Variants in DEPTOR observed in about 807,000 individuals in gnomAD.
DEPTOR encodes the protein DEP domain containing MTOR interacting protein, also known as DEP domain-containing mTOR-interacting protein.
In DEPTOR, 41 loss-of-function variants were observed where a neutral mutation model predicts 41.6. That is an observed-to-expected ratio of 0.98 (90% CI 0.77 to 1.28). The LOEUF (loss-of-function observed/expected upper bound fraction) is 1.28. Among genes scored for constraint, DEPTOR ranks in the 50% most tolerant of loss-of-function variants. The probability of loss-of-function intolerance (pLI) is 0.00; values close to 1 mark genes in which losing one functional copy is unlikely to be tolerated. For missense variants in DEPTOR, 514 were observed against 527.9 expected, an observed-to-expected ratio of 0.97 and a Z score of 0.26; for synonymous variants, 195 against 192.3, an observed-to-expected ratio of 1.01 and a Z score of -0.12.
At chr8:119,905,882 A>T (rs1344783135) in intron 1 of DEPTOR, among the ~76,000 whole-genome samples, 1 of 152,056 alleles carries the variant, frequency 6.6e-6, no homozygotes, top group Admixed American at 6.6e-5. Flanking sequence ...ACCTCAAATG[A>T]TCCACCTGCC....
At chr8:119,953,992 G>C (rs1463732653) in intron 3 of DEPTOR, among the ~76,000 whole-genome samples, 1 of 151,832 alleles carries the variant, frequency 6.6e-6, no homozygotes, top group Admixed American at 6.6e-5. Flanking sequence ...TTTTAGTAGA[G>C]ATGGGGTTTC....
intron 4 of DEPTOR, among the ~76,000 whole-genome samples, chr8:119,998,954 A>C (rs1812308088): frequency 6.6e-6 from 1 of 151,514 alleles, no homozygotes; most frequent in South Asian, 2.1e-4. Context: ...AGGAAAAAAA[A>C]AAAAAAAGAA....
chr8:119,918,575 C>G (rs7462839), intron 1 of DEPTOR, among the ~76,000 whole-genome samples: 54 of 151,482 alleles, frequency 3.6e-4, no homozygotes, highest in African/African-American at 1.2e-3. Context: ...ATTCTCCTGC[C>G]TCAGCCTCCC....
intron 8 of DEPTOR, among the ~76,000 whole-genome samples, chr8:120,034,934 A>C (rs1234612116): frequency 1.3e-5 from 2 of 152,232 alleles, no homozygotes; most frequent in African/African-American, 4.8e-5. Context: ...TACGGAGGAA[A>C]AAATTTGAGA....
chr8:119,886,194 T>C (rs1827361562), intron 1 of DEPTOR, among the ~76,000 whole-genome samples: 3 of 152,234 alleles, frequency 2.0e-5, no homozygotes, highest in Non-Finnish European at 4.4e-5. Flanking sequence ...TTCTCTCTTG[T>C]AGCTCCTTCA....
chr8:120,030,366 T>A (rs1461357576), intron 8 of DEPTOR, among the ~76,000 whole-genome samples: 2 of 152,088 alleles, frequency 1.3e-5, no homozygotes, highest in Non-Finnish European at 2.9e-5. Flanking sequence ...GGCACTACTC[T>A]GTCTGATACT....
intron 8 of DEPTOR, among the ~76,000 whole-genome samples, chr8:120,034,264 T>TAC (rs71571645): frequency 0.1 from 15,175 of 144,994 alleles, 893 homozygotes; most frequent in East Asian, 0.24. Flanking sequence ...GCAAAGCATG[T>TAC]ACACACACAC....
chr8:120,004,460 G>A (rs1342001040), intron 6 of DEPTOR, among the ~76,000 whole-genome samples: 2 of 152,166 alleles, frequency 1.3e-5, no homozygotes, highest in Non-Finnish European at 2.9e-5. Context: ...GTAGAAATCT[G>A]ACAGGCATCC....
chr8:119,999,049 A>C (rs1436201896), intron 4 of DEPTOR, among the ~76,000 whole-genome samples: 2 of 151,924 alleles, frequency 1.3e-5, no homozygotes, highest in African/African-American at 2.4e-5. Flanking sequence ...AGATCACCTG[A>C]GGTTGGGAGT....
chr8:120,030,485 G>A (rs1364565170), intron 8 of DEPTOR, among the ~76,000 whole-genome samples: 1 of 93,284 alleles, frequency 1.1e-5, no homozygotes, highest in Admixed American at 1.3e-4. Flanking sequence ...GATGTATTGT[G>A]TAGGTTCATC....
intron 3 of DEPTOR, among the ~76,000 whole-genome samples, chr8:119,938,693 G>T (rs1462298247): frequency 1.3e-5 from 2 of 151,968 alleles, no homozygotes; most frequent in African/African-American, 4.8e-5. Context: ...TTTATTTTCA[G>T]TAGAGAGCGT....
chr8:119,880,128 C>T (rs539835007), intron 1 of DEPTOR, among the ~76,000 whole-genome samples: 2 of 144,434 alleles, frequency 1.4e-5, no homozygotes, highest in Non-Finnish European at 3.0e-5. Flanking sequence ...GGTGACAGAG[C>T]GGGACTCCGT....
At chr8:119,941,373 CAAAAAAAAAA>C (rs749120675) in intron 3 of DEPTOR, among the ~76,000 whole-genome samples, 2 of 39,964 alleles carry the variant, frequency 5.0e-5, no homozygotes, top group Non-Finnish European at 4.2e-5. Flanking sequence ...ATCTCCATCT[CAAAAAAAAAA>C]AAAAAAAAAA....
intron 4 of DEPTOR, among the ~76,000 whole-genome samples, chr8:119,974,357 G>A (rs746095065): frequency 1.3e-5 from 2 of 150,928 alleles, no homozygotes; most frequent in Non-Finnish European, 2.9e-5. Flanking sequence ...TCTTAATTGA[G>A]ACCTGCTGTA....
chr8:120,017,375 T>G (rs1812629015), intron 8 of DEPTOR, among the ~76,000 whole-genome samples: 1 of 152,178 alleles, frequency 6.6e-6, no homozygotes, highest in Admixed American at 6.6e-5. Context: ...ACCCACATGC[T>G]TCCTATTGTA....
intron 4 of DEPTOR, among the ~76,000 whole-genome samples, chr8:119,986,929 C>T (rs138919655): frequency 5.2e-4 from 79 of 152,038 alleles, no homozygotes; most frequent in African/African-American, 1.9e-3. Context: ...AGCAATTCCT[C>T]TAACATTTTT....
In DEPTOR at chr8:120,031,249, C is replaced by G. The variant is rs548338031; in HGVS notation, c.1102-18327C>G. On this transcript the variant is annotated intron_variant, in intron 8 of 8. Transcript: ENST00000286234. ...TGGGAGGCCAAGGTGGGTGGATCAC[C>G]TGAGGTCAGGAGTTCAAGACCAGCC... Among the ~76,000 whole-genome samples, 15 of 152,012 alleles carry G rather than the reference C, an allele frequency of 9.9e-5. No homozygotes were observed. In the South Asian group the frequency reaches 3.1e-3, roughly 32 times the overall value.
intron 8 of DEPTOR, 35 bp from the exon 9 acceptor site, chr8:120,049,541 A>G (rs749256213): frequency 3.1e-6 from 5 of 1,608,450 alleles, no homozygotes; most frequent in South Asian, 1.1e-5. Flanking sequence ...ACCAGGCGCT[A>G]TAATAGATGC....
intron 1 of DEPTOR, among the ~76,000 whole-genome samples, chr8:119,908,549 G>A (rs920144611): frequency 2.6e-5 from 4 of 152,156 alleles, no homozygotes; most frequent in Non-Finnish European, 5.9e-5. Flanking sequence ...TTGATTTAAA[G>A]CCAGTCAGTT....
Sources: gnomAD v4.1 joint callset for allele counts (sites outside exome capture counted in the v4.1 genomes callset) on GRCh38, gnomAD v4.1.1 for gene constraint, MANE v1.5 for transcripts, NCBI Gene and HGNC (gene_info 2026-07-23, HGNC 2026-07-21) for gene names.